Variants in DIAPH3 observed in about 807,000 individuals in gnomAD.
DIAPH3 encodes protein diaphanous homolog 3.
In DIAPH3, 117 loss-of-function variants were observed where a neutral mutation model predicts 144.3. The observed-to-expected ratio is 0.81, with a 90% CI of 0.70 to 0.95. DIAPH3 has a LOEUF of 0.95. Among genes scored for constraint, DIAPH3 ranks in the 40% least tolerant of loss-of-function variants. The probability of loss-of-function intolerance (pLI) is 0.00; values close to 1 mark genes in which losing one functional copy is unlikely to be tolerated. For synonymous variants in DIAPH3, 519 were observed against 488.9 expected (o/e 1.06, Z -0.81); for missense variants, 1,421 against 1,412.7 (o/e 1.01, Z -0.09).
At chr13:60,014,172 G>A (rs944881581) in intron 7 of DIAPH3, among the ~76,000 whole-genome samples, 2 of 151,960 alleles carry the variant, frequency 1.3e-5, no homozygotes, top group African/African-American at 4.8e-5. Flanking sequence ...TTTAAAAAAA[G>A]TTCCTAGATT....
chr13:59,713,073 T>G (rs2034833665), intron 27 of DIAPH3, among the ~76,000 whole-genome samples: 1 of 152,180 alleles, frequency 6.6e-6, no homozygotes, highest in African/African-American at 2.4e-5. Context: ...TGCCTGCTGC[T>G]CACCTCCTGA....
intron 27 of DIAPH3, among the ~76,000 whole-genome samples, chr13:59,740,003 C>A (rs528042864): frequency 6.6e-6 from 1 of 152,252 alleles, no homozygotes; most frequent in East Asian, 1.9e-4. Context: ...AGGTTACATG[C>A]AGACACTATG....
At chr13:59,807,846 A>G (rs1566340208) in intron 25 of DIAPH3, among the ~76,000 whole-genome samples, 1 of 152,100 alleles carries the variant, frequency 6.6e-6, no homozygotes, top group African/African-American at 2.4e-5. Context: ...AAAAACATTC[A>G]AGCTTTTTTT....
At chr13:60,058,547 G>T (rs991792050) in intron 4 of DIAPH3, among the ~76,000 whole-genome samples, 1 of 151,448 alleles carries the variant, frequency 6.6e-6, no homozygotes, top group Non-Finnish European at 1.5e-5. Flanking sequence ...CACTTTATCA[G>T]AAAGACACCT....
At chr13:60,026,190 T>C (rs1485468467) in intron 5 of DIAPH3, among the ~76,000 whole-genome samples, 2 of 152,150 alleles carry the variant, frequency 1.3e-5, no homozygotes, top group East Asian at 3.8e-4. Flanking sequence ...ACCAGTTGGG[T>C]TTCTTTCCAA....
intron 17 of DIAPH3, among the ~76,000 whole-genome samples, chr13:59,944,750 A>C (rs2048717107): frequency 6.7e-6 from 1 of 148,580 alleles, no homozygotes; most frequent in Admixed American, 6.8e-5. Context: ...TACTATGTTT[A>C]ACACTAACTT....
chr13:59,718,957 A>G (rs1320446863), intron 27 of DIAPH3, among the ~76,000 whole-genome samples: 1 of 152,182 alleles, frequency 6.6e-6, no homozygotes, highest in Non-Finnish European at 1.5e-5. Flanking sequence ...AAGAAAATGT[A>G]TTCATAATAT....
chr13:59,967,115 G>A (rs2050093865), intron 17 of DIAPH3, among the ~76,000 whole-genome samples: 1 of 152,098 alleles, frequency 6.6e-6, no homozygotes, highest in Admixed American at 6.6e-5. Context: ...TGCCCAGACT[G>A]GAGTGCAGTG....
At chr13:59,674,593 C>G (rs968396808) in intron 27 of DIAPH3, among the ~76,000 whole-genome samples, 1 of 152,214 alleles carries the variant, frequency 6.6e-6, no homozygotes, top group Non-Finnish European at 1.5e-5. Context: ...CTCTCCATCA[C>G]GATCTCACAG....
At position 59,810,912 on chromosome 13, in the gene DIAPH3, C is replaced by T. The variant is rs753969761; in HGVS notation, c.3039G>A (p.Lys1013=). The change falls in exon 25 of 28, where the codon AAG becomes AAA. Residue 1013 remains lysine, a synonymous_variant. Coordinates refer to ENST00000400324, the MANE Select transcript of DIAPH3 (RefSeq NM_001042517.2). ...NFRTTFMQAI[K]ENIKKREAEE... Reference sequence around the variant, plus strand: ...CTGCTTCTCTTTTTTTGATATTCTCCTTTATTGCTTGCTAAAAAAATTTTG... The same window carrying T: ...CTGCTTCTCTTTTTTTGATATTCTCTTTTATTGCTTGCTAAAAAAATTTTG... The T allele has an allele frequency of 3.7e-5, 54 of 1,477,430 alleles. No homozygotes were observed. In the Middle Eastern group the frequency reaches 5.2e-4, roughly 14 times the overall value. The allele number at this position is 1,477,430 out of a possible 1,614,324, so 91.5% of individuals were successfully genotyped here.
intron 24 of DIAPH3, among the ~76,000 whole-genome samples, chr13:59,830,312 A>G (rs1379647784): frequency 6.6e-6 from 1 of 151,848 alleles, no homozygotes; most frequent in East Asian, 1.9e-4. Context: ...AAGAAAGAAA[A>G]ATAGAAGAGA....
At chr13:59,697,459 CAAAAAAAAAAAAAAAAA>C (rs58372882) in intron 27 of DIAPH3, among the ~76,000 whole-genome samples, 6 of 31,164 alleles carry the variant, frequency 1.9e-4, no homozygotes, top group South Asian at 1.8e-3. Context: ...GACACTGTCT[CAAAAAAAAAAAAAAAAA>C]AAAAAAAAAA....
chr13:60,147,040 T>C (rs1031450710), intron 1 of DIAPH3, among the ~76,000 whole-genome samples: 5 of 152,186 alleles, frequency 3.3e-5, no homozygotes, highest in Non-Finnish European at 7.3e-5. Context: ...AAAATGTCCA[T>C]GTTATCTATA....
chr13:59,904,486 C>T (rs994089489), intron 20 of DIAPH3, among the ~76,000 whole-genome samples: 4 of 151,930 alleles, frequency 2.6e-5, no homozygotes, highest in African/African-American at 9.7e-5. Flanking sequence ...GTGAAAGGCT[C>T]GGGGAGCAAC....
At chr13:59,873,930 G>A (rs186773530) in intron 21 of DIAPH3, among the ~76,000 whole-genome samples, 2 of 152,010 alleles carry the variant, frequency 1.3e-5, no homozygotes, top group African/African-American at 4.8e-5. Context: ...CCTCAGCCTC[G>A]CAAAGTGCTG....
chr13:59,758,405 T>C (rs1223714234), intron 27 of DIAPH3, among the ~76,000 whole-genome samples: 3 of 152,226 alleles, frequency 2.0e-5, no homozygotes, highest in South Asian at 2.1e-4. Context: ...ACAACATGGA[T>C]ACAAAGTGTA....
chr13:59,773,608 A>T (rs2038233602), intron 27 of DIAPH3, among the ~76,000 whole-genome samples: 1 of 152,190 alleles, frequency 6.6e-6, no homozygotes, highest in Non-Finnish European at 1.5e-5. Flanking sequence ...CAGAGCAGAG[A>T]GTTCTATGCG....
At position 59,974,297 on chromosome 13, in the gene DIAPH3, C is replaced by T. The variant is rs1025700649; in HGVS notation, c.1650+55G>A. The stretch of plus-strand genomic sequence containing the variant: ...TGATGCTATGAAGATATAACATAAC[C>T]TTTGCTCCCTCACTGTGTTTTTAAT... On this transcript the variant is annotated intron_variant, in intron 15 of 27. Transcript: ENST00000400324. 3.9e-6 allele frequency: 5 copies of T among 1,290,370 alleles called. No individual in the cohort carries two copies. The East Asian group carries it at 9.3e-5, about 24-fold the overall frequency. 79.9% of individuals were successfully genotyped at this position (1,290,370 alleles called of 1,614,324 possible). A position where few individuals can be genotyped will look rare whatever the true frequency, so the allele number is the denominator to read the frequency against.
At chr13:59,839,291 G>C in intron 23 of DIAPH3, 33 bp downstream of exon 23, 2 of 1,610,548 alleles carry the variant, frequency 1.2e-6, no homozygotes, top group Non-Finnish European at 1.7e-6. Flanking sequence ...TAGTTGACTA[G>C]TGACTTAAGT....
Sources: gnomAD v4.1 joint callset for allele counts (sites outside exome capture counted in the v4.1 genomes callset) on GRCh38, gnomAD v4.1.1 for gene constraint, MANE v1.5 for transcripts, NCBI Gene and HGNC (gene_info 2026-07-23, HGNC 2026-07-21) for gene names.